The following DIAPH3 variants were observed in gnomAD, a reference collection of about 807,000 sequenced individuals.
DIAPH3 encodes the protein diaphanous related formin 3.
A neutral mutation model predicts 144.3 loss-of-function variants in DIAPH3; 117 were observed. That is an observed-to-expected ratio of 0.81 (90% CI 0.70 to 0.95). DIAPH3 has a LOEUF of 0.95. Among genes scored for constraint, DIAPH3 ranks in the 40% least tolerant of loss-of-function variants. The probability of loss-of-function intolerance (pLI) is 0.00; values close to 1 mark genes in which losing one functional copy is unlikely to be tolerated. For missense variants in DIAPH3, 1,421 were observed against 1,412.7 expected (o/e 1.01, Z -0.09); for synonymous variants, 519 against 488.9 (o/e 1.06, Z -0.81).
At chr13:60,148,664 C>A (rs1162709268) in intron 1 of DIAPH3, among the ~76,000 whole-genome samples, 1 of 152,138 alleles carries the variant, frequency 6.6e-6, no homozygotes, top group African/African-American at 2.4e-5. Flanking sequence ...ACATGTTAGA[C>A]CATGGTTTCA....
chr13:59,706,725 G>A (rs1203803287), intron 27 of DIAPH3, among the ~76,000 whole-genome samples: 1 of 152,152 alleles, frequency 6.6e-6, no homozygotes, highest in Admixed American at 6.5e-5. Flanking sequence ...TTTTGACTGT[G>A]AATGGTCTGC....
chr13:59,720,218 T>C (rs2035270399), intron 27 of DIAPH3, among the ~76,000 whole-genome samples: 1 of 152,142 alleles, frequency 6.6e-6, no homozygotes, highest in South Asian at 2.1e-4. Flanking sequence ...TGTACACCTG[T>C]ATAGGGCAGC....
At chr13:59,677,496 T>C (rs909649288) in intron 27 of DIAPH3, among the ~76,000 whole-genome samples, 1 of 152,172 alleles carries the variant, frequency 6.6e-6, no homozygotes, top group Non-Finnish European at 1.5e-5. Context: ...TTGACATATA[T>C]ATAGCAAAAA....
intron 1 of DIAPH3, among the ~76,000 whole-genome samples, chr13:60,157,068 C>T (rs867090014): frequency 9.3e-5 from 14 of 150,904 alleles, no homozygotes; most frequent in African/African-American, 2.7e-4. Flanking sequence ...ACTCAGCCTC[C>T]GGAGTAGGTG....
intron 1 of DIAPH3, among the ~76,000 whole-genome samples, chr13:60,154,235 T>C (rs1951924191): frequency 6.6e-6 from 1 of 152,152 alleles, no homozygotes; most frequent in Non-Finnish European, 1.5e-5. Flanking sequence ...AACAATCCTA[T>C]AAATGGCAAA....
intron 3 of DIAPH3, among the ~76,000 whole-genome samples, chr13:60,095,759 G>A (rs1393068080): frequency 6.6e-6 from 1 of 151,962 alleles, no homozygotes; most frequent in African/African-American, 2.4e-5. Flanking sequence ...ACTTTGTATT[G>A]CATAGTTTTA....
At chr13:59,967,588 A>G (rs935550394) in intron 17 of DIAPH3, among the ~76,000 whole-genome samples, 8 of 152,224 alleles carry the variant, frequency 5.3e-5, no homozygotes, top group South Asian at 2.1e-4. Flanking sequence ...TTAAATGTCT[A>G]TATAAAATCC....
At chr13:60,011,149 T>C (rs1288334555) in intron 7 of DIAPH3, among the ~76,000 whole-genome samples, 1 of 152,076 alleles carries the variant, frequency 6.6e-6, no homozygotes, top group Non-Finnish European at 1.5e-5. Flanking sequence ...ATTCACTTTA[T>C]GTCAAGAACC....
chr13:59,796,766 G>C (rs1235167020), intron 25 of DIAPH3, among the ~76,000 whole-genome samples: 1 of 152,174 alleles, frequency 6.6e-6, no homozygotes, highest in African/African-American at 2.4e-5. Context: ...TGTATAAGAA[G>C]AGAGTCATAT....
At chr13:59,979,356 T>C (rs2050855708) in intron 14 of DIAPH3, among the ~76,000 whole-genome samples, 1 of 151,578 alleles carries the variant, frequency 6.6e-6, no homozygotes, top group African/African-American at 2.4e-5. Context: ...ACTACTTTCC[T>C]ATGAAGAGTT....
chr13:60,068,148 G>A (rs956470196), intron 4 of DIAPH3, among the ~76,000 whole-genome samples: 3 of 152,102 alleles, frequency 2.0e-5, no homozygotes, highest in African/African-American at 7.2e-5. Context: ...TAACAGCAGT[G>A]AATAAAACTG....
chr13:59,758,432 A>G (rs965537550), intron 27 of DIAPH3, among the ~76,000 whole-genome samples: 1 of 152,246 alleles, frequency 6.6e-6, no homozygotes, highest in Non-Finnish European at 1.5e-5. Context: ...TATTTTTGGA[A>G]AGAACAAGGT....
At chr13:59,970,521 A>AT (rs950783044) in intron 16 of DIAPH3, among the ~76,000 whole-genome samples, 15 of 151,140 alleles carry the variant, frequency 9.9e-5, no homozygotes, top group South Asian at 4.2e-4. Context: ...GAACACCATC[A>AT]TTTTTTTTTG....
intron 27 of DIAPH3, among the ~76,000 whole-genome samples, chr13:59,669,734 C>G (rs2032246697): frequency 1.3e-5 from 2 of 152,130 alleles, no homozygotes; most frequent in South Asian, 4.1e-4. Flanking sequence ...TGGGGGGAAT[C>G]TCTGTTTGTC....
intron 1 of DIAPH3, among the ~76,000 whole-genome samples, chr13:60,137,567 T>C (rs1304160678): frequency 6.6e-6 from 1 of 152,102 alleles, no homozygotes; most frequent in Non-Finnish European, 1.5e-5. Context: ...TTAGCATATC[T>C]GAACTAGCAG....
At chr13:59,936,599 A>G (rs527810053) in intron 17 of DIAPH3, among the ~76,000 whole-genome samples, 4 of 152,342 alleles carry the variant, frequency 2.6e-5, no homozygotes, top group Non-Finnish European at 5.9e-5. Flanking sequence ...ACAATTTGAG[A>G]TGAGCTCTGA....
At chr13:59,741,019 C>T (rs2036413350) in intron 27 of DIAPH3, among the ~76,000 whole-genome samples, 1 of 152,136 alleles carries the variant, frequency 6.6e-6, no homozygotes, top group Non-Finnish European at 1.5e-5. Flanking sequence ...TGTAGGAAAC[C>T]AAGGTGACTA....
chr13:60,003,768 G>A (rs1455787765), intron 9 of DIAPH3, among the ~76,000 whole-genome samples: 1 of 151,700 alleles, frequency 6.6e-6, no homozygotes, highest in Admixed American at 6.6e-5. Context: ...TTTTAGTAGA[G>A]ACGGGGTTTC....
intron 20 of DIAPH3, among the ~76,000 whole-genome samples, chr13:59,891,435 C>A: frequency 6.9e-6 from 1 of 145,474 alleles, no homozygotes; most frequent in African/African-American, 2.5e-5. Context: ...AAAAAAACCC[C>A]AAAAATTATC....
Sources: allele counts gnomAD v4.1 joint callset (sites outside exome capture counted in the v4.1 genomes callset), GRCh38; gene constraint gnomAD v4.1.1; transcripts MANE v1.5; gene names NCBI Gene and HGNC (gene_info 2026-07-23, HGNC 2026-07-21).